The following VIM variants were observed in gnomAD, a reference collection of about 807,000 sequenced individuals.
VIM encodes epididymis secretory sperm binding protein.
VIM carries 18 observed loss-of-function variants against 50.3 expected under a neutral mutation model. That is an observed-to-expected ratio of 0.36 (90% CI 0.25 to 0.53). VIM has a LOEUF of 0.53. Among genes scored for constraint, VIM ranks in the 20% least tolerant of loss-of-function variants. VIM has a pLI of 0.91. For synonymous variants in VIM, 245 were observed against 248.5 expected (o/e 0.99, Z 0.13); for missense variants, 551 against 614.7 (o/e 0.90, Z 1.10).
chr10:17,236,157 C>T, intron 8 of VIM, 137 bp from the exon 9 acceptor site: 2 of 828,734 alleles, frequency 2.4e-6, no homozygotes, highest in Non-Finnish European at 4.1e-6. Flanking sequence ...CAGAGACTAC[C>T]CTAAAATTAT....
rs1846739997 is a variant in VIM, at chr10:17,229,475, CG to C, written c.56del (p.Gly19AlafsTer13). The C allele has an allele frequency of 6.2e-7, 1 of 1,605,974 alleles. No homozygotes were observed. The highest frequency in any genetic ancestry group is 8.5e-7 in the Non-Finnish European group (1 of 1,178,930). On this transcript the variant is annotated frameshift_variant, in exon 2 of 10. Transcript: ENST00000544301. LOFTEE classifies it high-confidence loss of function. ...SSSYRRMFGG[P>X]GTASRPSSSR... is the part of the protein sequence containing the mutation. ...TCCTACCGCAGGATGTTCGGCGGCCCGGGCACCGCGAGCCGGCCGAGCTCCA... is the reference window on the plus strand; with the variant it reads ...TCCTACCGCAGGATGTTCGGCGGCCCGGCACCGCGAGCCGGCCGAGCTCCA...
Position 17,237,210 on chromosome 10 carries a change from T to A in VIM, c.1360-20T>A. The A allele has an allele frequency of 6.3e-7, 1 of 1,589,668 alleles. No individual in the cohort carries two copies. The highest frequency in any genetic ancestry group is 8.6e-7 in the Non-Finnish European group (1 of 1,163,508). ...TTGGCATGTGGCATTATATTTATTT[T>A]GGTTTTTTTTTTTAAACAGGTTATC... is the stretch of plus-strand genomic sequence containing the variant. On this transcript the variant is annotated intron_variant, in intron 9 of 9. Coordinates refer to ENST00000544301, the MANE Select transcript of VIM (RefSeq NM_003380.5).
At chr10:17,233,502 C>G (rs2131682224) in intron 3 of VIM, 85 bp from the exon 4 acceptor site, 3 of 1,357,212 alleles carry the variant, frequency 2.2e-6, no homozygotes, top group Non-Finnish European at 3.1e-6. Flanking sequence ...AGACTAGGTT[C>G]AGATGGTTAA....
intron 3 of VIM, among the ~76,000 whole-genome samples, chr10:17,231,559 A>G (rs987270158): frequency 2.6e-5 from 4 of 152,224 alleles, no homozygotes; most frequent in African/African-American, 9.6e-5. Flanking sequence ...CTAATTGGAC[A>G]CAAGTATTTG....
intron 3 of VIM, 197 bp from the exon 4 acceptor site, chr10:17,233,390 T>G (rs1846829005): frequency 1.7e-6 from 1 of 587,428 alleles, no homozygotes; most frequent in East Asian, 3.0e-5. Flanking sequence ...ACAATTAAAA[T>G]ATATTAGTGA....
In VIM at chr10:17,234,201, C is replaced by T. The variant is rs12269123; in HGVS notation, c.882+270C>T. 79 of 408,404 alleles carry T rather than the reference C, an allele frequency of 1.9e-4. 1 individual carries two copies. The highest frequency in any genetic ancestry group is 1.5e-3 in the African/African-American group (73 of 49,192). The allele number at this position is 408,404 out of a possible 1,614,324, so 25.3% of individuals were successfully genotyped here. ...CAACATCTTGGCACACTGCAACCTC[C>T]GCCTCCCAGGTTCAAGTGATTCTCC... On this transcript the variant is annotated intron_variant, in intron 5 of 9. Transcript: ENST00000544301.
intron 6 of VIM, 174 bp downstream of exon 6, chr10:17,234,992 G>C: frequency 8.3e-7 from 1 of 1,204,872 alleles, no homozygotes; most frequent in Non-Finnish European, 1.2e-6. Flanking sequence ...GAAGGTTTTA[G>C]CTTGCCTATA....
chr10:17,231,432 C>G (rs1207334012), intron 3 of VIM, among the ~76,000 whole-genome samples: 2 of 152,178 alleles, frequency 1.3e-5, no homozygotes, highest in Non-Finnish European at 2.9e-5. Flanking sequence ...AATGTAGATA[C>G]AGACATTCTG....
chr10:17,236,257 T>C, intron 8 of VIM, 37 bp from the exon 9 acceptor site: 1 of 1,491,198 alleles, frequency 6.7e-7, no homozygotes. Flanking sequence ...AAGAAAAAAC[T>C]CGTTTTTACT....
chr10:17,229,761 C>T lies in VIM; in HGVS notation c.339C>T (p.Arg113=), dbSNP rs1324002909. The change falls in exon 2 of 10, where the codon CGC becomes CGT. Residue 113 remains arginine (R), a synonymous_variant. Coordinates refer to ENST00000544301, the MANE Select transcript of VIM (RefSeq NM_003380.5). The stretch of plus-strand genomic sequence containing the variant: ...TGGAGCTGCAGGAGCTGAATGACCG[C>T]TTCGCCAACTACATCGACAAGGTGC... The part of the protein sequence containing the change: ...EKVELQELND[R]FANYIDKVRF... The T allele has an allele frequency of 1.3e-6, 2 of 1,588,692 alleles. No homozygotes were observed. The highest frequency in any genetic ancestry group is 3.6e-5 in the Admixed American group (2 of 55,472).
In VIM at chr10:17,237,370, T is replaced by C; in HGVS notation, c.*99T>C. ...CTTTCAAGTGCCTTTCTGCAGTTTTTCAGGAGCGCAAGATAGATTTGGAAT... is the reference window on the plus strand; with the variant it reads ...CTTTCAAGTGCCTTTCTGCAGTTTTCCAGGAGCGCAAGATAGATTTGGAAT... On this transcript the variant is annotated 3_prime_UTR_variant, in exon 10 of 10. Transcript: ENST00000544301. 1 of 1,180,624 alleles carries C rather than the reference T, an allele frequency of 8.5e-7. No homozygotes were observed. Among genetic ancestry groups the C allele is most frequent in the Non-Finnish European group, 1.2e-6 (1 of 814,420 alleles). 73.1% of individuals were successfully genotyped at this position (1,180,624 alleles called of 1,614,324 possible).
At chr10:17,230,110 G>C (rs578060106) in intron 2 of VIM, 125 bp downstream of exon 2, 1 of 1,204,684 alleles carries the variant, frequency 8.3e-7, no homozygotes. Context: ...GGCCTGCCAG[G>C]GAGACAGCGG....
intron 3 of VIM, among the ~76,000 whole-genome samples, chr10:17,233,025 G>A (rs1846823598): frequency 6.6e-6 from 1 of 152,222 alleles, no homozygotes; most frequent in Admixed American, 6.5e-5. Context: ...TTGGCTCACT[G>A]CAACCTCTGC....
In VIM at chr10:17,237,288, G is replaced by T; in HGVS notation, c.*17G>T. 1.2e-6 allele frequency: 2 copies of T among 1,603,788 alleles called. No homozygotes were observed. The highest frequency in any genetic ancestry group is 1.7e-6 in the Non-Finnish European group (2 of 1,173,836). ...CTTGAATAAAAATTGCACACACTCA[G>T]TGCAGCAATATATTACCAGCAAGAA... On this transcript the variant is annotated 3_prime_UTR_variant, in exon 10 of 10. Transcript: ENST00000544301.
At chr10:17,234,637 A>T in intron 5 of VIM, 56 bp from the exon 6 acceptor site, 1 of 1,607,604 alleles carries the variant, frequency 6.2e-7, no homozygotes, top group Admixed American at 1.7e-5. Flanking sequence ...TTTTTTTCTA[A>T]GAGAGTCAAA....
At chr10:17,235,604 C>A in intron 7 of VIM, 2 of 704,390 alleles carry the variant, frequency 2.8e-6, no homozygotes, top group Non-Finnish European at 4.8e-6. Flanking sequence ...GAACCCATAA[C>A]TCTGTCAAAG....
In VIM at chr10:17,229,278, C is replaced by T. The variant is rs933795596; in HGVS notation, c.-145C>T. The stretch of plus-strand genomic sequence containing the variant: ...ACAGCGCCCTCGGCGGGGTCCAGTC[C>T]TCTGCCACTCTCGCTCCGAGGTCCC... On this transcript the variant is annotated splice_region_variant and 5_prime_UTR_variant, in exon 2 of 10. Coordinates refer to ENST00000544301, the MANE Select transcript of VIM (RefSeq NM_003380.5). The T allele has an allele frequency of 6.0e-6, 5 of 835,420 alleles. No homozygotes were observed. The African/African-American group carries it at 6.8e-5, about 11-fold the overall frequency. 51.8% of individuals were successfully genotyped at this position (835,420 alleles called of 1,614,324 possible).
In VIM at chr10:17,235,826, T is replaced by C. The variant is rs1360791362; in HGVS notation, c.1230-20T>C. ...AGTTATTTGCCAACAATTTTACTGT[T>C]TCTCTTCATCTGTTTATAGGATTTC... On this transcript the variant is annotated intron_variant, in intron 7 of 9. Coordinates refer to ENST00000544301, the MANE Select transcript of VIM (RefSeq NM_003380.5). 2.5e-6 allele frequency: 4 copies of C among 1,613,032 alleles called. No homozygotes were observed. Among genetic ancestry groups the C allele is most frequent in the Admixed American group, 1.7e-5 (1 of 60,024 alleles).
chr10:17,229,837 A>G lies in VIM; in HGVS notation c.415A>G (p.Lys139Glu). 1 of 1,604,394 alleles carries G rather than the reference A, an allele frequency of 6.2e-7. No homozygotes were observed. The highest frequency in any genetic ancestry group is 8.5e-7 in the Non-Finnish European group (1 of 1,175,872). Residue 139 changes from lysine (K) to glutamate (E), a missense_variant, in exon 2 of 10, where the codon AAG becomes GAG. Lys to Glu is a moderately conservative substitution (Grantham distance 56). This residue lies in a region of VIM where 394 missense variants were observed against 437.5 expected (regional missense o/e 0.90). Coordinates refer to ENST00000544301, the MANE Select transcript of VIM (RefSeq NM_003380.5). ...KILLAELEQL[K>E]GQGKSRLGDL... Reference sequence around the variant, plus strand: ...CCTGCTGGCCGAGCTCGAGCAGCTCAAGGGCCAAGGCAAGTCGCGCCTGGG... The same window carrying G: ...CCTGCTGGCCGAGCTCGAGCAGCTCGAGGGCCAAGGCAAGTCGCGCCTGGG...
Sources: allele counts gnomAD v4.1 joint callset (sites outside exome capture counted in the v4.1 genomes callset), GRCh38; gene constraint gnomAD v4.1.1; regional missense constraint gnomAD v4.1.1; transcripts MANE v1.5; gene names NCBI Gene and HGNC (gene_info 2026-07-23, HGNC 2026-07-21).